Variants in FAM53B observed in about 807,000 individuals in gnomAD.
The protein encoded by FAM53B is protein FAM53B.
A neutral mutation model predicts 32.7 loss-of-function variants in FAM53B; 12 were observed. The ratio of observed to expected loss-of-function variants is 0.37; its 90% confidence interval spans 0.24 to 0.59. The LOEUF (loss-of-function observed/expected upper bound fraction) is 0.59, where lower values mean the gene tolerates loss of function less well. Among genes scored for constraint, FAM53B ranks in the 20% least tolerant of loss-of-function variants. The pLI, the probability that FAM53B is intolerant of heterozygous loss-of-function variation, is 0.72. For synonymous variants in FAM53B, 234 were observed against 228.7 expected, an observed-to-expected ratio of 1.02 and a Z score of -0.21; for missense variants, 477 against 577.7, an observed-to-expected ratio of 0.83 and a Z score of 1.79.
chr10:124,619,415 G>A lies in FAM53B; in HGVS notation c.*3827C>T, dbSNP rs1293418561. 1.3e-5 allele frequency: 2 copies of A among 152,510 alleles called. No homozygotes were observed. Among genetic ancestry groups the A allele is most frequent in the Admixed American group, 1.3e-4 (2 of 15,282 alleles). The allele number at this position is 152,510 out of a possible 1,614,324, so 9.4% of individuals were successfully genotyped here. A position where few individuals can be genotyped will look rare whatever the true frequency, so the allele number is the denominator to read the frequency against. On this transcript the variant is annotated 3_prime_UTR_variant, in exon 5 of 5. Coordinates refer to ENST00000337318, the MANE Select transcript of FAM53B (RefSeq NM_014661.4). Reference sequence around the variant, plus strand: ...GGAGGCCAGGCTGCAGGGGCGGGCAGACCCTGGGCCCCGGGTCTACGCTTT... The same window carrying A: ...GGAGGCCAGGCTGCAGGGGCGGGCAAACCCTGGGCCCCGGGTCTACGCTTT...
intron 1 of FAM53B, among the ~76,000 whole-genome samples, chr10:124,718,204 G>A (rs1009097801): frequency 6.6e-6 from 1 of 152,068 alleles, no homozygotes; most frequent in Non-Finnish European, 1.5e-5. Context: ...AACAAGCTCT[G>A]TAAGAACTGC....
intron 4 of FAM53B, among the ~76,000 whole-genome samples, chr10:124,658,210 T>C (rs572022756): frequency 1.3e-5 from 2 of 152,280 alleles, no homozygotes; most frequent in South Asian, 4.1e-4. Flanking sequence ...AGGAAAACAC[T>C]GGTGTGCTTG....
chr10:124,692,100 T>C (rs1450848172), intron 3 of FAM53B, among the ~76,000 whole-genome samples: 2 of 152,176 alleles, frequency 1.3e-5, no homozygotes, highest in Non-Finnish European at 2.9e-5. Flanking sequence ...GGGGATGCTC[T>C]GGAAGATGAG....
intron 3 of FAM53B, among the ~76,000 whole-genome samples, chr10:124,690,400 A>G (rs1949826186): frequency 6.6e-6 from 1 of 152,206 alleles, no homozygotes; most frequent in African/African-American, 2.4e-5. Flanking sequence ...TAGTCTGTAG[A>G]CCCAAGGTCA....
chr10:124,698,073 G>A (rs1366140328), intron 2 of FAM53B, among the ~76,000 whole-genome samples: 2 of 152,170 alleles, frequency 1.3e-5, no homozygotes, highest in Non-Finnish European at 2.9e-5. Context: ...CCAGGCAGGC[G>A]CCCAGTTTGC....
chr10:124,653,389 G>C (rs1039695572), intron 4 of FAM53B, among the ~76,000 whole-genome samples: 6 of 152,192 alleles, frequency 3.9e-5, no homozygotes, highest in African/African-American at 1.4e-4. Flanking sequence ...CTGGCGTGGG[G>C]ACCCTGATGG....
intron 2 of FAM53B, among the ~76,000 whole-genome samples, chr10:124,706,203 T>C (rs1374661455): frequency 6.6e-6 from 1 of 151,906 alleles, no homozygotes; most frequent in Non-Finnish European, 1.5e-5. Context: ...CCACACCTTC[T>C]TTCCCCATCA....
chr10:124,641,742 GCC>G (rs1023181850), intron 4 of FAM53B, among the ~76,000 whole-genome samples: 5 of 152,186 alleles, frequency 3.3e-5, no homozygotes, highest in Non-Finnish European at 7.3e-5. Flanking sequence ...GAGGAGAGGA[GCC>G]CCTTCTTGAC....
chr10:124,662,459 C>T (rs1949639179), intron 4 of FAM53B, among the ~76,000 whole-genome samples: 1 of 86,624 alleles, frequency 1.2e-5, no homozygotes, highest in Admixed American at 1.4e-4. Context: ...CACACCCACC[C>T]ACCCATCCAT....
chr10:124,726,908 G>A (rs1460991348), intron 1 of FAM53B, among the ~76,000 whole-genome samples: 1 of 152,154 alleles, frequency 6.6e-6, no homozygotes, highest in Non-Finnish European at 1.5e-5. Flanking sequence ...TTATCTACTT[G>A]GTACACAGCA....
At chr10:124,647,679 T>C (rs1949526914) in intron 4 of FAM53B, among the ~76,000 whole-genome samples, 1 of 152,090 alleles carries the variant, frequency 6.6e-6, no homozygotes, top group Admixed American at 6.5e-5. Flanking sequence ...ACCCTTTCCA[T>C]GTCACCCCAT....
chr10:124,718,840 G>C (rs10794177), intron 1 of FAM53B, among the ~76,000 whole-genome samples: 31,737 of 152,200 alleles, frequency 0.21, 3,741 homozygotes, highest in Non-Finnish European at 0.26. Context: ...TTGAGCCCAA[G>C]AGTTCAAGAC....
rs541301303 is a variant in FAM53B at position 124,696,575 on chromosome 10, C to A, written c.79-363G>T. ...TTCCCTGAGCTGGGCTGAGAAGAGA[C>A]CAAGAGAGGAGGGGACCTCCCTGGG... On this transcript the variant is annotated intron_variant, in intron 2 of 4. Transcript: ENST00000337318. 2.0e-5 allele frequency among the ~76,000 whole-genome samples: 3 copies of A among 152,182 alleles called. No individual in the cohort carries two copies. In the South Asian group the frequency reaches 6.2e-4, roughly 32 times the overall value.
intron 4 of FAM53B, among the ~76,000 whole-genome samples, chr10:124,656,892 G>A (rs1564869528): frequency 6.6e-6 from 1 of 151,906 alleles, no homozygotes. Context: ...CCTGTTGTGG[G>A]GTGGGGGGAG....
intron 1 of FAM53B, among the ~76,000 whole-genome samples, chr10:124,707,268 G>A (rs1949966733): frequency 6.6e-6 from 1 of 152,128 alleles, no homozygotes; most frequent in Non-Finnish European, 1.5e-5. Flanking sequence ...CACACACCAG[G>A]ATACATTAAA....
chr10:124,727,261 G>C (rs1335891378), intron 1 of FAM53B, among the ~76,000 whole-genome samples: 3 of 142,674 alleles, frequency 2.1e-5, no homozygotes, highest in Non-Finnish European at 4.5e-5. Context: ...CAAGCGATCT[G>C]CCTGCCTCAG....
intron 2 of FAM53B, among the ~76,000 whole-genome samples, chr10:124,700,028 A>G (rs1030761924): frequency 3.3e-5 from 5 of 151,980 alleles, no homozygotes; most frequent in Non-Finnish European, 7.4e-5. Context: ...TTCGTGCTTG[A>G]CCTCAAGACC....
intron 4 of FAM53B, among the ~76,000 whole-genome samples, chr10:124,626,140 T>G (rs1035904394): frequency 6.6e-6 from 1 of 152,238 alleles, no homozygotes; most frequent in Non-Finnish European, 1.5e-5. Flanking sequence ...AGCTGTCATG[T>G]GAGGGGCCTG....
At chr10:124,684,884 T>C (rs1241299387) in intron 3 of FAM53B, among the ~76,000 whole-genome samples, 1 of 152,194 alleles carries the variant, frequency 6.6e-6, no homozygotes, top group African/African-American at 2.4e-5. Flanking sequence ...AGTTATCTGA[T>C]TTAAAAGAAA....
Sources: gnomAD v4.1 joint callset for allele counts (sites outside exome capture counted in the v4.1 genomes callset) on GRCh38, gnomAD v4.1.1 for gene constraint, MANE v1.5 for transcripts, NCBI Gene and HGNC (gene_info 2026-07-23, HGNC 2026-07-21) for gene names.